EVPL: variants seen among roughly 807,000 people sequenced by gnomAD.
EVPL encodes the protein 210 kDa cornified envelope precursor protein.
A neutral mutation model predicts 129.7 loss-of-function variants in EVPL; 94 were observed. That is an observed-to-expected ratio of 0.72 (90% CI 0.61 to 0.86). The LOEUF is 0.86. EVPL is among the 40% of genes least tolerant of loss of function. The pLI, the probability that EVPL is intolerant of heterozygous loss-of-function variation, is 0.00. For synonymous variants in EVPL, 1,172 were observed against 1,191.1 expected (o/e 0.98, Z 0.33); for missense variants, 2,625 against 2,721.1 (o/e 0.96, Z 0.79).
Position 76,007,345 on chromosome 17 carries a change from G to C in EVPL, c.5860C>G (p.Pro1954Ala). The stretch of plus-strand genomic sequence containing the variant: ...CCGGAGAGGAGGGCCTGCTGGATGG[G>C]GATGCGGCCTGTCCTCTTGGGGTCG... ...LIDPKRTGRI[P>A]IQQALLSGMI... is the part of the protein sequence containing the mutation. Residue 1954 changes from proline (P) to alanine (A), a missense_variant, in exon 22 of 22, where the codon CCC becomes GCC. Pro to Ala is a conservative substitution (Grantham distance 27). This residue lies in a region of EVPL where 1,453 missense variants were observed against 1,511.8 expected (regional missense o/e 0.96). Transcript: ENST00000301607. This position sits in a 1 kb window ranked among gnomAD's most constrained non-coding sequence, Gnocchi z 8.8. 1 of 1,576,624 alleles carries C rather than the reference G, an allele frequency of 6.3e-7. No individual in the cohort carries two copies. Among genetic ancestry groups the C allele is most frequent in the African/African-American group, 1.4e-5 (1 of 74,036 alleles).
intron 1 of EVPL, among the ~76,000 whole-genome samples, chr17:76,026,446 C>T (rs1197420600): frequency 6.6e-6 from 1 of 152,208 alleles, no homozygotes; most frequent in African/African-American, 2.4e-5. Flanking sequence ...AGCTCCTGGG[C>T]TCAAGGAATC....
rs1211238139 is a variant in EVPL, at chr17:76,009,111, TTCC to T, written c.4091_4093del (p.Arg1364del). On this transcript the variant is annotated inframe_deletion, in exon 22 of 22. Coordinates refer to ENST00000301607, the MANE Select transcript of EVPL (RefSeq NM_001988.4). The surrounding 1 kb of genome is among the most constrained non-coding windows in gnomAD (Gnocchi z 5.9). ...CTGCACCACCACCTTCTCCTCGGGCTTCCTCCTCTCCAGCAGCAGGCGCTTGCT... is the reference window on the plus strand; with the variant it reads ...CTGCACCACCACCTTCTCCTCGGGCTTCCTCTCCAGCAGCAGGCGCTTGCT... The T allele has an allele frequency of 6.2e-7, 1 of 1,613,014 alleles. No individual in the cohort carries two copies.
chr17:76,010,466 C>T lies in EVPL; in HGVS notation c.2739G>A (p.Glu913=). ...CCAGCTGGGCCTTCAGGGCCTCTGA[C>T]TCTCTCCCTGCTTGGGCAGGGCTCT... The part of the protein sequence containing the change: ...GSESPAQAGR[E]SEALKAQLEE... The change falls in exon 22 of 22, where the codon GAG becomes GAA. Residue 913 remains glutamate, a synonymous_variant. Transcript: ENST00000301607. 1.9e-6 allele frequency: 3 copies of T among 1,614,076 alleles called. No homozygotes were observed. The highest frequency in any genetic ancestry group is 2.5e-6 in the Non-Finnish European group (3 of 1,180,012).
intron 18 of EVPL, among the ~76,000 whole-genome samples, chr17:76,012,630 T>C (rs911782914): frequency 1.3e-5 from 2 of 151,924 alleles, no homozygotes; most frequent in African/African-American, 4.8e-5. Context: ...AGCACAGTAG[T>C]ATCTGCGAGC....
At position 76,009,933 on chromosome 17, in the gene EVPL, G is replaced by A; in HGVS notation, c.3272C>T (p.Ala1091Val). The A allele has an allele frequency of 6.2e-7, 1 of 1,614,116 alleles. No homozygotes were observed. Among genetic ancestry groups the A allele is most frequent in the Non-Finnish European group, 8.5e-7 (1 of 1,180,016 alleles). The change falls in exon 22 of 22, where the codon GCA (alanine) becomes GTA (valine). Residue 1091 changes from alanine (A) to valine (V), a missense_variant. Ala to Val is a moderately conservative substitution (Grantham distance 64). Coordinates refer to ENST00000301607, the MANE Select transcript of EVPL (RefSeq NM_001988.4). This position sits in a 1 kb window ranked among gnomAD's most constrained non-coding sequence, Gnocchi z 5.9. ...CATCTGCAGCCTCAGAGCCTGGGCT[G>A]CCTTGACCATTTCCAGATTCTTCTC... ...KVEKNLEMVK[A>V]AQALRLQMEE...
In EVPL at chr17:76,018,599, A is replaced by G; in HGVS notation, c.1286T>C (p.Val429Ala). The change falls in exon 12 of 22, where the codon GTG (valine) becomes GCG (alanine). Residue 429 changes from valine (V) to alanine (A), a missense_variant and splice_region_variant. Physicochemically the swap from Val to Ala is moderately conservative, Grantham distance 64. Coordinates refer to ENST00000301607, the MANE Select transcript of EVPL (RefSeq NM_001988.4). ...DSICDWDSGE[V>A]QLLQGERYKL... ...ATACCGCTCACCCTGCAGCAGCTGC[A>G]CCTGGGGGCACAGAAAGGGAGCAGC... 1 of 1,595,344 alleles carries G rather than the reference A, an allele frequency of 6.3e-7. No individual in the cohort carries two copies. Among genetic ancestry groups the G allele is most frequent in the Non-Finnish European group, 8.5e-7 (1 of 1,170,070 alleles).
intron 17 of EVPL, 127 bp downstream of exon 17, chr17:76,014,789 C>T (rs750568529): frequency 1.7e-6 from 2 of 1,165,696 alleles, no homozygotes; most frequent in East Asian, 2.6e-5. Flanking sequence ...GTTGTTATCC[C>T]ATTTTAGAGA....
At chr17:76,015,712 G>T (rs1212911922) in intron 14 of EVPL, 84 bp from the exon 15 acceptor site, 18 of 1,405,092 alleles carry the variant, frequency 1.3e-5, no homozygotes, top group Non-Finnish European at 5.8e-6. Flanking sequence ...CTGCGCCCAT[G>T]GAGGCAGTAG....
In EVPL at chr17:76,023,425, A is replaced by C. The variant is rs1203528741; in HGVS notation, c.354-7T>G. The C allele has an allele frequency of 1.2e-6, 2 of 1,613,720 alleles. No homozygotes were observed. Among genetic ancestry groups the C allele is most frequent in the Non-Finnish European group, 1.7e-6 (2 of 1,179,996 alleles). Reference sequence around the variant, plus strand: ...CTCGTGCAGCTGCTTGATGCTGTCAAGAAGGTGGCCGGCAGGTCAGGGCTG... The same window carrying C: ...CTCGTGCAGCTGCTTGATGCTGTCACGAAGGTGGCCGGCAGGTCAGGGCTG... On this transcript the variant is annotated splice_polypyrimidine_tract_variant and splice_region_variant and intron_variant, in intron 3 of 21. Transcript: ENST00000301607.
Position 76,015,285 on chromosome 17 carries a change from T to G in EVPL, c.1970A>C (p.Gln657Pro). 1 of 1,602,532 alleles carries G rather than the reference T, an allele frequency of 6.2e-7. No individual in the cohort carries two copies. The highest frequency in any genetic ancestry group is 8.5e-7 in the Non-Finnish European group (1 of 1,178,738). ...CGGTTCAGCAGGGATGGGGGCCTCC[T>G]GCACCAGGGTGGCCTCGAAGCCTCG... is the stretch of plus-strand genomic sequence containing the variant. The part of the protein sequence containing the change: ...VIRGFEATLV[Q>P]EAPIPAEPGA... The change falls in exon 16 of 22, where the codon CAG becomes CCG. Residue 657 changes from glutamine (Q) to proline (P), a missense_variant. Around this residue, in one of 4 missense-constraint regions of EVPL, gnomAD observed 1,024 missense variants for 997.5 expected, o/e 1.03. Coordinates refer to ENST00000301607, the MANE Select transcript of EVPL (RefSeq NM_001988.4).
In EVPL at chr17:76,015,472, G is replaced by A; in HGVS notation, c.1867C>T (p.Leu623=). The change falls in exon 15 of 22, where the codon CTG becomes TTG. Residue 623 remains leucine, a synonymous_variant. Coordinates refer to ENST00000301607, the MANE Select transcript of EVPL (RefSeq NM_001988.4). ...VKNKFSDVQV[L]CSLYGEKAKA... Reference sequence around the variant, plus strand: ...CACTTCTCCCCGTAGAGGCTGCACAGAACCTGCACGTCACTGAACTTGTTC... The same window carrying A: ...CACTTCTCCCCGTAGAGGCTGCACAAAACCTGCACGTCACTGAACTTGTTC... 2 of 1,613,304 alleles carry A rather than the reference G, an allele frequency of 1.2e-6. No homozygotes were observed. The highest frequency in any genetic ancestry group is 1.7e-6 in the Non-Finnish European group (2 of 1,179,990).
Position 76,015,034 on chromosome 17 carries a change from C to T in EVPL, c.2104G>A (p.Ala702Thr), listed in dbSNP as rs769152361. 6.3e-7 allele frequency: 1 copy of T among 1,592,740 alleles called. No individual in the cohort carries two copies. The stretch of plus-strand genomic sequence containing the variant: ...AAGTTGTTCTGCAGGGCAGCGCATG[C>T]GTGCTCCGAGGCCTTCAGCGCGCGG... ...LHRALKASEH[A>T]CAALQNNFQE... is the part of the protein sequence containing the mutation. The change falls in exon 17 of 22, where the codon GCA (alanine) becomes ACA (threonine). Residue 702 changes from alanine to threonine, a missense_variant. Coordinates refer to ENST00000301607, the MANE Select transcript of EVPL (RefSeq NM_001988.4).
rs764210266 is a variant in EVPL at position 76,007,464 on chromosome 17, CTCT to C, written c.5738_5740del (p.Lys1913del). 1.2e-5 allele frequency: 20 copies of C among 1,610,116 alleles called. No homozygotes were observed. The African/African-American group carries it at 2.0e-4, about 16-fold the overall frequency. Reference sequence around the variant, plus strand: ...CTGGACGGCCTCGCCCACCGAGAGCCTCTTCTTGGTGACGGGGTCCTCGATGCC... The same window carrying C: ...CTGGACGGCCTCGCCCACCGAGAGCCTCTTGGTGACGGGGTCCTCGATGCC... On this transcript the variant is annotated inframe_deletion, in exon 22 of 22. Transcript: ENST00000301607. The surrounding 1 kb of genome is among the most constrained non-coding windows in gnomAD (Gnocchi z 8.8).
chr17:76,014,616 C>A (rs769969772), intron 17 of EVPL, 40 bp from the exon 18 acceptor site: 2 of 1,595,608 alleles, frequency 1.3e-6, no homozygotes, highest in South Asian at 2.3e-5. Context: ...TAAGACCTGC[C>A]CCGTGGGGAC....
rs1022906138 is a variant in EVPL, at chr17:76,013,871, G to C, written c.2373+555C>G. ...GGGCTGCAGGAGAGAGTGCAGCCTG[G>C]GTCCTGTGCCGGAAGGGCCTGTGTG... On this transcript the variant is annotated intron_variant, in intron 18 of 21. Transcript: ENST00000301607. This position sits in a 1 kb window ranked among gnomAD's most constrained non-coding sequence, Gnocchi z 4.3. 1.1e-4 allele frequency among the ~76,000 whole-genome samples: 17 copies of C among 152,114 alleles called. No individual in the cohort carries two copies. Among genetic ancestry groups the C allele is most frequent in the African/African-American group, 4.1e-4 (17 of 41,420 alleles).
At chr17:76,018,366 G>T in intron 12 of EVPL, 80 bp downstream of exon 12, 1 of 1,530,308 alleles carries the variant, frequency 6.5e-7, no homozygotes, top group Non-Finnish European at 8.8e-7. Flanking sequence ...GCAGGGGTCT[G>T]TTGGGCCATG....
intron 14 of EVPL, among the ~76,000 whole-genome samples, chr17:76,017,417 A>T (rs976368276): frequency 6.6e-6 from 1 of 152,152 alleles, no homozygotes; most frequent in African/African-American, 2.4e-5. Flanking sequence ...TTGCTATTTC[A>T]GGAGCTTCAC....
rs1362471044 is a variant in EVPL at position 76,018,350 on chromosome 17, C to T, written c.1440-92G>A. ...GACGCAGCTTCAGGTGAAGGCCAGC[C>T]TTTGAGCAGGGGTCTGTTGGGCCAT... On this transcript the variant is annotated intron_variant, in intron 12 of 21. Coordinates refer to ENST00000301607, the MANE Select transcript of EVPL (RefSeq NM_001988.4). The T allele has an allele frequency of 2.0e-6, 3 of 1,521,722 alleles. No individual in the cohort carries two copies. In the East Asian group the frequency reaches 7.3e-5, roughly 37 times the overall value. 94.3% of individuals were successfully genotyped at this position (1,521,722 alleles called of 1,614,324 possible). A position where few individuals can be genotyped will look rare whatever the true frequency, so the allele number is the denominator to read the frequency against.
At position 76,015,638 on chromosome 17, in the gene EVPL, G is replaced by A; in HGVS notation, c.1711-10C>T. 1 of 1,609,094 alleles carries A rather than the reference G, an allele frequency of 6.2e-7. No homozygotes were observed. The highest frequency in any genetic ancestry group is 8.5e-7 in the Non-Finnish European group (1 of 1,177,280). On this transcript the variant is annotated splice_polypyrimidine_tract_variant and intron_variant, in intron 14 of 21. Transcript: ENST00000301607. The stretch of plus-strand genomic sequence containing the variant: ...GGCGCTGGGCTGTGCCCTAAAGAGG[G>A]GCGGGGTCAGGGATCTCTGGGCAGG...
Sources: allele counts gnomAD v4.1 joint callset (sites outside exome capture counted in the v4.1 genomes callset), GRCh38; gene constraint gnomAD v4.1.1; regional missense constraint gnomAD v4.1.1; non-coding constraint Gnocchi (gnomAD v3.1); transcripts MANE v1.5; gene names NCBI Gene and HGNC (gene_info 2026-07-23, HGNC 2026-07-21).